NR3C1: variants seen among roughly 807,000 people sequenced by gnomAD.
NR3C1 encodes nuclear receptor subfamily 3 group C member 1, also known as glucocorticoid receptor.
NR3C1 carries 14 observed loss-of-function variants against 74.0 expected under a neutral mutation model. The observed-to-expected ratio is 0.19, with a 90% CI of 0.12 to 0.30. The LOEUF (loss-of-function observed/expected upper bound fraction) is 0.30. Ranked by LOEUF, NR3C1 falls within the 10% of genes least tolerant of loss-of-function variation. NR3C1 has a pLI of 1.00. For synonymous variants in NR3C1, 308 were observed against 332.5 expected (o/e 0.93, Z 0.80); for missense variants, 695 against 909.8 (o/e 0.76, Z 3.04).
At chr5:143,394,911 C>T (rs956021251) in intron 2 of NR3C1, among the ~76,000 whole-genome samples, 70 of 151,872 alleles carry the variant, frequency 4.6e-4, no homozygotes, top group Non-Finnish European at 3.5e-4. Context: ...TCTGTTGCTC[C>T]TCCCTCTTCA....
intron 2 of NR3C1, among the ~76,000 whole-genome samples, chr5:143,357,488 T>A (rs1397011058): frequency 6.6e-6 from 1 of 152,106 alleles, no homozygotes; most frequent in Non-Finnish European, 1.5e-5. Context: ...TCTACAAACA[T>A]TTAAAAAGAA....
chr5:143,296,629 T>A (rs1485324496), intron 6 of NR3C1, among the ~76,000 whole-genome samples: 1 of 151,628 alleles, frequency 6.6e-6, no homozygotes, highest in African/African-American at 2.4e-5. Flanking sequence ...CAACAACAAT[T>A]TTTTTTTCCC....
chr5:143,316,994 A>T (rs1054075874), intron 2 of NR3C1, among the ~76,000 whole-genome samples: 1 of 152,164 alleles, frequency 6.6e-6, no homozygotes, highest in Non-Finnish European at 1.5e-5. Flanking sequence ...AAAATTTGGA[A>T]CCTCAATCAG....
chr5:143,391,675 G>A (rs775180616), intron 2 of NR3C1, among the ~76,000 whole-genome samples: 1 of 152,042 alleles, frequency 6.6e-6, no homozygotes, highest in East Asian at 1.9e-4. Context: ...TGTCGAAGGC[G>A]CTTTCAAAAA....
intron 2 of NR3C1, among the ~76,000 whole-genome samples, chr5:143,378,244 C>T (rs1431889149): frequency 1.3e-5 from 2 of 152,068 alleles, no homozygotes; most frequent in Admixed American, 6.6e-5. Context: ...GAGTGAGACC[C>T]TGTCTCTTAA....
intron 3 of NR3C1, among the ~76,000 whole-genome samples, chr5:143,311,318 A>G (rs1225727667): frequency 6.6e-6 from 1 of 152,206 alleles, no homozygotes; most frequent in Non-Finnish European, 1.5e-5. Flanking sequence ...AAAAGAAAAA[A>G]AATCACCCAC....
chr5:143,290,784 C>T (rs1434169243), intron 7 of NR3C1, among the ~76,000 whole-genome samples: 1 of 151,900 alleles, frequency 6.6e-6, no homozygotes, highest in Non-Finnish European at 1.5e-5. Context: ...AGGCTGGTCT[C>T]GAACTCCTGA....
chr5:143,304,778 T>C (rs751522892), intron 4 of NR3C1, among the ~76,000 whole-genome samples: 1 of 151,724 alleles, frequency 6.6e-6, no homozygotes, highest in South Asian at 2.1e-4. Context: ...CTACACAAAG[T>C]TGATAAAAAT....
At chr5:143,336,282 T>C (rs1243078768) in intron 2 of NR3C1, among the ~76,000 whole-genome samples, 1 of 152,242 alleles carries the variant, frequency 6.6e-6, no homozygotes, top group Admixed American at 6.5e-5. Flanking sequence ...CAGTCAAATG[T>C]AGTTCTGGTT....
exon 1 of NR3C1, chr5:143,435,454 G>A: frequency 5.1e-6 from 5 of 985,506 alleles, no homozygotes; most frequent in Non-Finnish European, 6.0e-6. Context: ...GCGAGAGGGA[G>A]CAAGAGAAGA....
At chr5:143,294,367 GT>G in intron 7 of NR3C1, 1 of 883,004 alleles carries the variant, frequency 1.1e-6, no homozygotes, top group Non-Finnish European at 1.4e-6. Context: ...ATGGCCTAAG[GT>G]TTATAATACC....
At chr5:143,320,682 T>C (rs370466448) in intron 2 of NR3C1, among the ~76,000 whole-genome samples, 4 of 152,208 alleles carry the variant, frequency 2.6e-5, no homozygotes, top group African/African-American at 4.8e-5. Context: ...AGAGAGAATA[T>C]AATCATGTTA....
chr5:143,354,573 T>C (rs1830773509), intron 2 of NR3C1, among the ~76,000 whole-genome samples: 3 of 152,098 alleles, frequency 2.0e-5, no homozygotes, highest in Admixed American at 2.0e-4. Flanking sequence ...AGTCAGATCA[T>C]GCGCAATATT....
intron 1 of NR3C1, among the ~76,000 whole-genome samples, chr5:143,425,437 T>C (rs919757361): frequency 2.6e-5 from 4 of 152,126 alleles, no homozygotes; most frequent in African/African-American, 9.7e-5. Context: ...ATGGTTGAAA[T>C]TGTAGACAAC....
chr5:143,308,710 G>A (rs1251095218), intron 4 of NR3C1, among the ~76,000 whole-genome samples: 1 of 152,092 alleles, frequency 6.6e-6, no homozygotes, highest in Non-Finnish European at 1.5e-5. Flanking sequence ...ACAGAATTAG[G>A]TGACCTTCCT....
rs77859960 is a variant in NR3C1, at chr5:143,365,420, G to A, written c.1184+34236C>T. Among the ~76,000 whole-genome samples, 158 of 152,232 alleles carry A rather than the reference G, an allele frequency of 1.0e-3. 3 individuals are homozygous for A. In the East Asian group the frequency reaches 0.022, roughly 21 times the overall value. Reference sequence around the variant, plus strand: ...GACAAATAGACTTAAGATAAAAATTGTTCTTATAGGGCACTGTATAATGAT... The same window carrying A: ...GACAAATAGACTTAAGATAAAAATTATTCTTATAGGGCACTGTATAATGAT... On this transcript the variant is annotated intron_variant, in intron 2 of 8. Transcript: ENST00000394464.
intron 2 of NR3C1, among the ~76,000 whole-genome samples, chr5:143,331,229 G>A (rs1299549626): frequency 6.6e-6 from 1 of 152,146 alleles, no homozygotes; most frequent in Non-Finnish European, 1.5e-5. Flanking sequence ...AAATGGTGCT[G>A]GGATACCATC....
intron 2 of NR3C1, among the ~76,000 whole-genome samples, chr5:143,387,816 T>C (rs1307474675): frequency 1.3e-5 from 2 of 152,198 alleles, no homozygotes; most frequent in Admixed American, 6.5e-5. Flanking sequence ...TGAAGAAAGA[T>C]ATTTTGAAAA....
intron 2 of NR3C1, among the ~76,000 whole-genome samples, chr5:143,348,558 T>A (rs1272387235): frequency 1.3e-5 from 2 of 152,198 alleles, no homozygotes; most frequent in African/African-American, 2.4e-5. Context: ...ACAAGTGTCC[T>A]TTTCATGGTA....
Sources: allele counts gnomAD v4.1 joint callset (sites outside exome capture counted in the v4.1 genomes callset), GRCh38; gene constraint gnomAD v4.1.1; transcripts MANE v1.5; gene names NCBI Gene and HGNC (gene_info 2026-07-23, HGNC 2026-07-21).